Variants in CSN1S1 observed in about 807,000 individuals in gnomAD.
CSN1S1 encodes alpha-S1-casein.
CSN1S1 carries 63 observed loss-of-function variants against 49.1 expected under a neutral mutation model. The ratio of observed to expected loss-of-function variants is 1.28; its 90% CI spans 1.05 to 1.58. The LOEUF (loss-of-function observed/expected upper bound fraction) is 1.58. CSN1S1 is among the 40% of genes most tolerant of loss of function. The pLI is 0.00. For synonymous variants in CSN1S1, 78 were observed against 67.1 expected (o/e 1.16, Z -0.79); for missense variants, 260 against 224.7 (o/e 1.16, Z -1.01).
intron 7 of CSN1S1, 29 bp downstream of exon 7, chr4:69,936,636 G>A: frequency 6.3e-7 from 1 of 1,579,854 alleles, no homozygotes; most frequent in Non-Finnish European, 8.6e-7. Context: ...AAAGAGTATG[G>A]CAAAAGTATA....
intron 15 of CSN1S1, among the ~76,000 whole-genome samples, chr4:69,945,963 G>A (rs1469998040): frequency 1.3e-5 from 2 of 151,774 alleles, no homozygotes; most frequent in Admixed American, 1.3e-4. Flanking sequence ...TAATTGCATT[G>A]CCATATCTTC....
intron 9 of CSN1S1, among the ~76,000 whole-genome samples, chr4:69,938,242 AT>A (rs912150082): frequency 1.3e-5 from 2 of 151,764 alleles, no homozygotes; most frequent in African/African-American, 4.8e-5. Flanking sequence ...TGTATGTAAG[AT>A]TTTTACATGA....
In CSN1S1 at chr4:69,944,845, T is replaced by A. The variant is rs1017766419; in HGVS notation, c.403-5T>A. The stretch of plus-strand genomic sequence containing the variant: ...CTGTTGCTTTTCAAATGTTTTTCCC[T>A]CTAGCCTTTCCAGCAGCTCAACCAA... On this transcript the variant is annotated splice_region_variant and splice_polypyrimidine_tract_variant and intron_variant, in intron 14 of 15. Transcript: ENST00000246891. The A allele has an allele frequency of 1.9e-5, 31 of 1,612,162 alleles. No homozygotes were observed. The highest frequency in any genetic ancestry group is 2.5e-5 in the Non-Finnish European group (29 of 1,178,794).
chr4:69,933,666 C>A (rs1385772633), intron 2 of CSN1S1, among the ~76,000 whole-genome samples: 1 of 151,936 alleles, frequency 6.6e-6, no homozygotes, highest in Non-Finnish European at 1.5e-5. Flanking sequence ...TATTCCAAAG[C>A]AAACAATAGG....
rs1407919532 is a variant in CSN1S1, at chr4:69,946,479, A to G, written c.*283A>G. On this transcript the variant is annotated 3_prime_UTR_variant, in exon 16 of 16. Coordinates refer to ENST00000246891, the MANE Select transcript of CSN1S1 (RefSeq NM_001890.2). The stretch of plus-strand genomic sequence containing the variant: ...GGACATTTTGTTTAAAAAGTCTTTG[A>G]ATTGCCAGTTCTGTAAGTGCCATCA... 1 of 192,600 alleles carries G rather than the reference A, an allele frequency of 5.2e-6. No homozygotes were observed. Among genetic ancestry groups the G allele is most frequent in the Non-Finnish European group, 1.1e-5 (1 of 94,574 alleles). The allele number at this position is 192,600 out of a possible 1,614,324, so 11.9% of individuals were successfully genotyped here.
At chr4:69,942,508 A>G in intron 13 of CSN1S1, 28 bp from the exon 14 acceptor site, 1 of 1,548,680 alleles carries the variant, frequency 6.5e-7, no homozygotes, top group African/African-American at 1.4e-5. Flanking sequence ...ATGTCTAAGT[A>G]ATTTAGAATG....
intron 1 of CSN1S1, 99 bp from the exon 2 acceptor site, chr4:69,932,445 A>G (rs1276813513): frequency 2.0e-6 from 2 of 991,026 alleles, no homozygotes; most frequent in Non-Finnish European, 3.1e-6. Context: ...GCCTACTTTT[A>G]TCATAATTTG....
At chr4:69,940,827 TA>T (rs2109724590) in intron 11 of CSN1S1, among the ~76,000 whole-genome samples, 191 bp from the exon 12 acceptor site, 1 of 151,934 alleles carries the variant, frequency 6.6e-6, no homozygotes, top group Non-Finnish European at 1.5e-5. Context: ...AGTTGCTTTT[TA>T]AAATGTTTTT....
rs775653939 is a variant in CSN1S1 at position 69,939,888 on chromosome 4, G to A, written c.277-133G>A. 3 of 558,316 alleles carry A rather than the reference G, an allele frequency of 5.4e-6. No homozygotes were observed. In the African/African-American group the frequency reaches 6.0e-5, roughly 11 times the overall value. 34.6% of individuals were successfully genotyped at this position (558,316 alleles called of 1,614,324 possible). ...GGTTCAAATTATTAATCTTGTCTCA[G>A]TTTTTTGGGAATTTATCACTAAAAT... is the stretch of plus-strand genomic sequence containing the variant. On this transcript the variant is annotated intron_variant, in intron 10 of 15. Transcript: ENST00000246891.
intron 12 of CSN1S1, 132 bp from the exon 13 acceptor site, chr4:69,941,914 T>G: frequency 2.0e-6 from 1 of 492,910 alleles, no homozygotes; most frequent in Non-Finnish European, 3.6e-6. Context: ...CCTGAGAGAT[T>G]TTGTAGTATT....
chr4:69,940,989 G>GAA, intron 11 of CSN1S1, 30 bp from the exon 12 acceptor site: 1 of 1,266,376 alleles, frequency 7.9e-7, no homozygotes, highest in Non-Finnish European at 1.1e-6. Context: ...TGACATCCAA[G>GAA]CAATTGAGAA....
At chr4:69,931,920 CTTT>C (rs1237349279) in intron 1 of CSN1S1, among the ~76,000 whole-genome samples, 6 of 151,860 alleles carry the variant, frequency 4.0e-5, no homozygotes, top group Non-Finnish European at 7.4e-5. Context: ...ATTCAATCAT[CTTT>C]ATATATTTAT....
chr4:69,934,118 G>A (rs573295353), intron 2 of CSN1S1, 94 bp from the exon 3 acceptor site: 2 of 876,666 alleles, frequency 2.3e-6, no homozygotes, highest in Non-Finnish European at 3.5e-6. Context: ...GAAAATGGCA[G>A]TGTCAAAAAT....
intron 5 of CSN1S1, 35 bp from the exon 6 acceptor site, chr4:69,936,421 C>T: frequency 1.4e-6 from 2 of 1,464,016 alleles, no homozygotes; most frequent in Non-Finnish European, 1.9e-6. Context: ...TCTTGTTTCA[C>T]TAATATTGTT....
At position 69,940,020 on chromosome 4, in the gene CSN1S1, G is replaced by A. The variant is rs1438885496; in HGVS notation, c.277-1G>A. 11 of 1,369,530 alleles carry A rather than the reference G, an allele frequency of 8.0e-6. No homozygotes were observed. In the East Asian group the frequency reaches 2.2e-4, roughly 27 times the overall value. 84.8% of individuals were successfully genotyped at this position (1,369,530 alleles called of 1,614,324 possible). A position where few individuals can be genotyped will look rare whatever the true frequency, so the allele number is the denominator to read the frequency against. ...CTATGCATGTTTTAATTTTTTTAAA[G>A]GAAATGTCTCTCAGTAAGTGTGCGG... On this transcript the variant is annotated splice_acceptor_variant, in intron 10 of 15. Transcript: ENST00000246891. LOFTEE classifies it high-confidence loss of function.
chr4:69,942,219 T>C (rs750264738), intron 13 of CSN1S1, among the ~76,000 whole-genome samples, 156 bp downstream of exon 13: 30 of 151,898 alleles, frequency 2.0e-4, no homozygotes, highest in Non-Finnish European at 3.4e-4. Context: ...AAAGACAAAA[T>C]TTAAATAATT....
chr4:69,932,772 C>T (rs1368963025), intron 2 of CSN1S1, among the ~76,000 whole-genome samples, 166 bp downstream of exon 2: 1 of 151,916 alleles, frequency 6.6e-6, no homozygotes, highest in Non-Finnish European at 1.5e-5. Context: ...ACATTTTCAT[C>T]ATTATTGCAT....
intron 8 of CSN1S1, 123 bp from the exon 9 acceptor site, chr4:69,937,676 CT>C: frequency 1.4e-6 from 1 of 734,664 alleles, no homozygotes; most frequent in South Asian, 2.1e-5. Flanking sequence ...TTTAGTTTTT[CT>C]TATTACTTTT....
chr4:69,940,416 G>T (rs1722937008), intron 11 of CSN1S1, among the ~76,000 whole-genome samples: 1 of 151,520 alleles, frequency 6.6e-6, no homozygotes, highest in African/African-American at 2.4e-5. Flanking sequence ...GTCTCCTTTT[G>T]AATCTACATA....
Sources: gnomAD v4.1 joint callset for allele counts (sites outside exome capture counted in the v4.1 genomes callset) on GRCh38, gnomAD v4.1.1 for gene constraint, MANE v1.5 for transcripts, NCBI Gene and HGNC (gene_info 2026-07-23, HGNC 2026-07-21) for gene names.